ZNF384: variants seen among roughly 807,000 people sequenced by gnomAD.
ZNF384 encodes the protein zinc finger protein 384.
ZNF384 carries 20 observed loss-of-function variants against 65.0 expected under a neutral mutation model. That is an observed-to-expected ratio of 0.31 (90% CI 0.22 to 0.45). The LOEUF is 0.45. Among genes scored for constraint, ZNF384 ranks in the 20% least tolerant of loss-of-function variants. The pLI, the probability that ZNF384 is intolerant of heterozygous loss-of-function variation, is 1.00. For synonymous variants in ZNF384, 310 were observed against 303.9 expected, an observed-to-expected ratio of 1.02 and a Z score of -0.21; for missense variants, 549 against 769.4, an observed-to-expected ratio of 0.71 and a Z score of 3.39.
At chr12:6,686,728 GAGAA>G (rs1958060741) in intron 2 of ZNF384, among the ~76,000 whole-genome samples, 2 of 152,120 alleles carry the variant, frequency 1.3e-5, no homozygotes, top group African/African-American at 2.4e-5. Context: ...GCACAAAAAA[GAGAA>G]AGAATGAAAT....
At chr12:6,682,552 G>A (rs189915182) in intron 2 of ZNF384, among the ~76,000 whole-genome samples, 191 of 152,214 alleles carry the variant, frequency 1.3e-3, no homozygotes, top group Non-Finnish European at 2.4e-3. Flanking sequence ...GGAGGCTAAG[G>A]CAGGAGAATC....
intron 7 of ZNF384, among the ~76,000 whole-genome samples, chr12:6,675,044 T>A (rs749723938): frequency 1.3e-5 from 2 of 152,232 alleles, no homozygotes; most frequent in Admixed American, 1.3e-4. Flanking sequence ...TCAATTTGTG[T>A]GTGAGGGTGT....
intron 10 of ZNF384, among the ~76,000 whole-genome samples, chr12:6,669,930 A>G (rs1439140618): frequency 1.3e-5 from 2 of 150,394 alleles, no homozygotes; most frequent in Non-Finnish European, 3.0e-5. Flanking sequence ...TCAAACACGC[A>G]CACGCGCGCG....
In ZNF384 at chr12:6,672,717, G is replaced by GT. The variant is rs1487217173; in HGVS notation, c.1005-186dup. On this transcript the variant is annotated intron_variant, in intron 8 of 11. Transcript: ENST00000683879. This position sits in a 1 kb window ranked among gnomAD's most constrained non-coding sequence, Gnocchi z 4.4. ...ACCCAGATCTAGGTTGTTGCTGATC[G>GT]TAAGTCGGTGGCTAGAATGGCAGTG... is the stretch of plus-strand genomic sequence containing the variant. 7.9e-5 allele frequency among the ~76,000 whole-genome samples: 12 copies of GT among 152,166 alleles called. No homozygotes were observed. The highest frequency in any genetic ancestry group is 2.1e-4 in the South Asian group (1 of 4,830).
chr12:6,680,825 A>G (rs1361156767), intron 2 of ZNF384, among the ~76,000 whole-genome samples: 1 of 152,176 alleles, frequency 6.6e-6, no homozygotes, highest in Non-Finnish European at 1.5e-5. Context: ...GTGTCCTGGC[A>G]CTAGTAGTAA....
chr12:6,667,942 CTG>C lies in ZNF384; in HGVS notation c.1597_1598del (p.Gln533AlafsTer45), dbSNP rs1950165564. ...AQAQASQASQ[Q>X]QQQQQQQQQQ... The stretch of plus-strand genomic sequence containing the variant: ...GCTGCTGCTGCTGCTGCTGCTGCTG[CTG>C]CTGTGATGCCTGGGAGGCCTGGGCC... On this transcript the variant is annotated frameshift_variant, in exon 12 of 12. Coordinates refer to ENST00000683879, the MANE Select transcript of ZNF384 (RefSeq NM_001385745.1). LOFTEE classifies it high-confidence loss of function. The C allele has an allele frequency of 4.4e-6, 7 of 1,608,754 alleles. No homozygotes were observed. The highest frequency in any genetic ancestry group is 5.9e-6 in the Non-Finnish European group (7 of 1,177,572).
intron 10 of ZNF384, 70 bp downstream of exon 10, chr12:6,670,690 G>T (rs1951185163): frequency 2.7e-6 from 4 of 1,459,396 alleles, no homozygotes; most frequent in African/African-American, 1.4e-5. Context: ...AAACATTTGA[G>T]AACCACGATA....
Position 6,673,612 on chromosome 12 carries a change from C to A in ZNF384, c.780-172G>T, listed in dbSNP as rs1171257451. Among the ~76,000 whole-genome samples the A allele has an allele frequency of 6.6e-6, 1 of 152,086 alleles. No individual in the cohort carries two copies. The highest frequency in any genetic ancestry group is 2.4e-5 in the African/African-American group (1 of 41,414). On this transcript the variant is annotated intron_variant, in intron 7 of 11. Coordinates refer to ENST00000683879, the MANE Select transcript of ZNF384 (RefSeq NM_001385745.1). This position sits in a 1 kb window ranked among gnomAD's most constrained non-coding sequence, Gnocchi z 4.7. ...CCTAAGCTTCTAACATGGTGCCCAG[C>A]ACATTATAAATATTCAATAAATGTT...
At chr12:6,687,769 C>T (rs1288960134) in intron 2 of ZNF384, among the ~76,000 whole-genome samples, 1 of 152,154 alleles carries the variant, frequency 6.6e-6, no homozygotes, top group Non-Finnish European at 1.5e-5. Flanking sequence ...GAACTCCATT[C>T]TAAACTCAGC....
chr12:6,669,468 C>T (rs995426949), intron 10 of ZNF384, among the ~76,000 whole-genome samples: 1 of 151,930 alleles, frequency 6.6e-6, no homozygotes, highest in African/African-American at 2.4e-5. Flanking sequence ...AACACTAAGA[C>T]CTTCACAGGG....
chr12:6,671,309 A>C (rs1328538418), intron 9 of ZNF384: 1 of 157,826 alleles, frequency 6.3e-6, no homozygotes, highest in Non-Finnish European at 1.4e-5. Flanking sequence ...GATTGTGGAG[A>C]GTAGTAGTGA....
chr12:6,670,683 C>A, intron 10 of ZNF384, 77 bp downstream of exon 10: 1 of 1,421,144 alleles, frequency 7.0e-7, no homozygotes, highest in Non-Finnish European at 9.9e-7. Flanking sequence ...GTCCTGAAAA[C>A]ATTTGAGAAC....
Position 6,673,360 on chromosome 12 carries a change from T to C in ZNF384, c.860A>G (p.His287Arg). Residue 287 changes from histidine (H) to arginine (R), a missense_variant, in exon 8 of 12, where the codon CAC becomes CGC. Physicochemically the swap from His to Arg is conservative, Grantham distance 29. Around this residue, in one of 5 missense-constraint regions of ZNF384, gnomAD observed 39 missense variants for 85.8 expected, o/e 0.45. Transcript: ENST00000683879. The surrounding 1 kb of genome is among the most constrained non-coding windows in gnomAD (Gnocchi z 4.7). ...HSKSHTETKPHKCPHCSKTFA... is the reference protein window; with the variant it reads ...HSKSHTETKPRKCPHCSKTFA... ...GGTCTTGGAGCAATGTGGGCACTTGTGGGGCTTGGTCTCGGTGTGTGACTT... is the reference window on the plus strand; with the variant it reads ...GGTCTTGGAGCAATGTGGGCACTTGCGGGGCTTGGTCTCGGTGTGTGACTT... 6.2e-7 allele frequency: 1 copy of C among 1,613,846 alleles called. No individual in the cohort carries two copies. The highest frequency in any genetic ancestry group is 8.5e-7 in the Non-Finnish European group (1 of 1,179,960).
intron 2 of ZNF384, among the ~76,000 whole-genome samples, chr12:6,683,985 C>T (rs1465047430): frequency 6.6e-6 from 1 of 151,762 alleles, no homozygotes; most frequent in Non-Finnish European, 1.5e-5. Context: ...CCACTGCACT[C>T]GAGCCTGGGC....
At position 6,673,060 on chromosome 12, in the gene ZNF384, G is replaced by A; in HGVS notation, c.1004+156C>T. Reference sequence around the variant, plus strand: ...TTTTCAAGGCCCCCCAAATAGCTAGGATATATAATTTCCACAGACAGTAAT... The same window carrying A: ...TTTTCAAGGCCCCCCAAATAGCTAGAATATATAATTTCCACAGACAGTAAT... On this transcript the variant is annotated intron_variant, in intron 8 of 11. Transcript: ENST00000683879. This position sits in a 1 kb window ranked among gnomAD's most constrained non-coding sequence, Gnocchi z 4.7. The A allele has an allele frequency of 8.5e-6, 6 of 709,758 alleles. No homozygotes were observed. The allele number at this position is 709,758 out of a possible 1,614,324, so 44.0% of individuals were successfully genotyped here. A position where few individuals can be genotyped will look rare whatever the true frequency, so the allele number is the denominator to read the frequency against.
At position 6,672,095 on chromosome 12, in the gene ZNF384, T is replaced by C. The variant is rs1394008883; in HGVS notation, c.1187+255A>G. The C allele has an allele frequency of 4.6e-6, 2 of 433,536 alleles. No individual in the cohort carries two copies. Among genetic ancestry groups the C allele is most frequent in the Non-Finnish European group, 8.3e-6 (2 of 239,742 alleles). 26.9% of individuals were successfully genotyped at this position (433,536 alleles called of 1,614,324 possible). On this transcript the variant is annotated intron_variant, in intron 9 of 11. Coordinates refer to ENST00000683879, the MANE Select transcript of ZNF384 (RefSeq NM_001385745.1). This position sits in a 1 kb window ranked among gnomAD's most constrained non-coding sequence, Gnocchi z 4.4. ...AAAAGTTGTTTCTACTCCAGGTACG[T>C]GTCTGTCTCCCATGGATCAGTGAAT...
rs150431243 is a variant in ZNF384 at position 6,684,622 on chromosome 12, C to T, written c.-6+3545G>A. Among the ~76,000 whole-genome samples, 163 of 152,218 alleles carry T rather than the reference C, an allele frequency of 1.1e-3. 1 individual carries two copies. Among genetic ancestry groups the T allele is most frequent in the Non-Finnish European group, 2.5e-4 (17 of 68,006 alleles). ...GTCCAAGGACAAGACACTACATATG[C>T]GTTACCAGCTTCCGATAAATAGGTC... On this transcript the variant is annotated intron_variant, in intron 2 of 11. Transcript: ENST00000683879.
intron 6 of ZNF384, 114 bp from the exon 7 acceptor site, chr12:6,677,373 C>T: frequency 8.7e-7 from 1 of 1,153,678 alleles, no homozygotes. Flanking sequence ...CAGTAGTTAT[C>T]CCACTCTATA....
chr12:6,671,011 G>C (rs950134796), intron 9 of ZNF384, among the ~76,000 whole-genome samples, 173 bp from the exon 10 acceptor site: 5 of 152,148 alleles, frequency 3.3e-5, no homozygotes, highest in African/African-American at 9.7e-5. Context: ...ATTTGCTTCT[G>C]GTCAATGCCT....
Sources: gnomAD v4.1 joint callset for allele counts (sites outside exome capture counted in the v4.1 genomes callset) on GRCh38, gnomAD v4.1.1 for gene constraint, gnomAD v4.1.1 regional missense constraint, Gnocchi (gnomAD v3.1) non-coding constraint, MANE v1.5 for transcripts, NCBI Gene and HGNC (gene_info 2026-07-23, HGNC 2026-07-21) for gene names.